The following ACOT1 variants were observed in gnomAD, a reference collection of about 807,000 sequenced individuals.
The protein encoded by ACOT1 is acyl-coenzyme A thioesterase 1.
ACOT1 carries 8 observed loss-of-function variants against 15.7 expected under a neutral mutation model. The observed-to-expected ratio is 0.51, with a 90% CI of 0.30 to 0.92. The LOEUF is 0.92. ACOT1 is among the 40% of genes least tolerant of loss of function. ACOT1 has a pLI of 0.06. For synonymous variants in ACOT1, 67 were observed against 241.2 expected, an observed-to-expected ratio of 0.28 and a Z score of 6.69; for missense variants, 151 against 539.4, an observed-to-expected ratio of 0.28 and a Z score of 7.13.
At chr14:73,492,515 C>CAG in the ACOT1 span, 1 of 1,613,592 alleles carries the variant, frequency 6.2e-7, no homozygotes, top group African/African-American at 1.3e-5. The surrounding 1 kb of genome is among the most constrained non-coding windows in gnomAD (Gnocchi z 4.9). Flanking sequence ...TGTGGCCGAC[C>CAG]AGCGAGCCAA....
the ACOT1 span, chr14:73,491,157 T>G: frequency 6.2e-7 from 1 of 1,605,954 alleles, no homozygotes; most frequent in South Asian, 1.1e-5. Context: ...CGAAGTGTTG[T>G]ATCCCGCATG....
the ACOT1 span, among the ~76,000 whole-genome samples, chr14:73,497,317 G>A: frequency 6.6e-6 from 1 of 152,196 alleles, no homozygotes; most frequent in Non-Finnish European, 1.5e-5. Context: ...TGGGATTACA[G>A]ATGTGAGCCA....
chr14:73,494,118 C>G, the ACOT1 span, among the ~76,000 whole-genome samples: 1 of 152,194 alleles, frequency 6.6e-6, no homozygotes, highest in Non-Finnish European at 1.5e-5. Flanking sequence ...GGCTACTGTT[C>G]AAGTTACTTT....
chr14:73,511,262 C>T, the ACOT1 span, among the ~76,000 whole-genome samples: 1 of 152,044 alleles, frequency 6.6e-6, no homozygotes, highest in African/African-American at 2.4e-5. Context: ...CCTGTAATCC[C>T]AGCACTTTGG....
chr14:73,534,328 G>A (rs1346165430), upstream of ACOT1, among the ~76,000 whole-genome samples: 9 of 104,174 alleles, frequency 8.6e-5, 3 homozygotes, highest in South Asian at 6.3e-4. Context: ...GCAGTGAGCC[G>A]AGATCAGACC....
At chr14:73,495,973 C>CA in the ACOT1 span, among the ~76,000 whole-genome samples, 4 of 151,938 alleles carry the variant, frequency 2.6e-5, no homozygotes, top group African/African-American at 9.7e-5. Flanking sequence ...ACTAAAAATA[C>CA]AAAAAAATTA....
At chr14:73,528,835 A>T in the ACOT1 span, 1 of 152,184 alleles carries the variant, frequency 6.6e-6, no homozygotes, top group East Asian at 1.9e-4. Context: ...AGATGCACTG[A>T]GCGCTTCGGG....
At position 73,542,238 on chromosome 14, in the gene ACOT1, T is replaced by C. The variant is rs1889111104; in HGVS notation, c.660+543T>C. On this transcript the variant is annotated intron_variant, in intron 2 of 2. Transcript: ENST00000311148. ...GTCTCAAACTCCTGACCTCAAGTGA[T>C]CTGCCCACCTCGGCCTCCCAGAGTG... Among the ~76,000 whole-genome samples, 2 of 108,574 alleles carry C rather than the reference T, an allele frequency of 1.8e-5. 1 individual carries two copies. 71.2% of individuals were successfully genotyped at this position (108,574 alleles called of 152,430 possible).
At chr14:73,506,606 A>G in the ACOT1 span, 11 of 1,496,596 alleles carry the variant, frequency 7.4e-6, no homozygotes, top group Non-Finnish European at 1.0e-5. Flanking sequence ...GATATTCACA[A>G]TCACTTTTAG....
chr14:73,509,311 C>T, the ACOT1 span: 7 of 1,613,800 alleles, frequency 4.3e-6, no homozygotes, highest in South Asian at 5.5e-5. Context: ...GAGTTACTCA[C>T]CCTTCAGAAG....
the ACOT1 span, among the ~76,000 whole-genome samples, chr14:73,505,700 T>C: frequency 2.5e-4 from 38 of 150,644 alleles, no homozygotes; most frequent in Non-Finnish European, 5.2e-4. Flanking sequence ...GCCGGGACTA[T>C]GTTTTATATG....
At chr14:73,532,804 A>G (rs1888747739), upstream of ACOT1, among the ~76,000 whole-genome samples, 1 of 112,762 alleles carries the variant, frequency 8.9e-6, no homozygotes, top group Non-Finnish European at 1.9e-5. Context: ...ACATACAAAA[A>G]AATTAGCCGG....
upstream of ACOT1, among the ~76,000 whole-genome samples, chr14:73,532,581 G>C (rs1888738545): frequency 8.7e-6 from 1 of 115,296 alleles, no homozygotes; most frequent in African/African-American, 2.8e-5. Context: ...CCTGAATATG[G>C]ACTTTAGCAC....
At position 73,542,973 on chromosome 14, in the gene ACOT1, T is replaced by A; in HGVS notation, c.661-77T>A. ...GATTCAGACTCAGGTTCAACTAACT[T>A]CCAGGGTGGGCACAACTCACCATAT... On this transcript the variant is annotated intron_variant, in intron 2 of 2. Coordinates refer to ENST00000311148, the MANE Select transcript of ACOT1 (RefSeq NM_001037161.2). 2 of 1,216,024 alleles carry A rather than the reference T, an allele frequency of 1.6e-6. 1 individual carries two copies. Among genetic ancestry groups the A allele is most frequent in the Non-Finnish European group, 2.2e-6 (2 of 916,582 alleles). The allele number at this position is 1,216,024 out of a possible 1,614,324, so 75.3% of individuals were successfully genotyped here. A position where few individuals can be genotyped will look rare whatever the true frequency, so the allele number is the denominator to read the frequency against.
the ACOT1 span, among the ~76,000 whole-genome samples, chr14:73,504,697 A>G: frequency 6.6e-6 from 1 of 152,158 alleles, no homozygotes. Flanking sequence ...TGTGCTTCCC[A>G]TATCAAAATG....
the ACOT1 span, chr14:73,522,967 T>C: frequency 1.6e-5 from 26 of 1,614,126 alleles, no homozygotes; most frequent in East Asian, 3.3e-4. Flanking sequence ...TTTTCAAATA[T>C]TGGCTCTTGC....
chr14:73,513,728 C>CAAAAAAA, the ACOT1 span, among the ~76,000 whole-genome samples: 9 of 46,774 alleles, frequency 1.9e-4, 2 homozygotes, highest in African/African-American at 2.3e-4. Flanking sequence ...ACTACGTCTC[C>CAAAAAAA]AAAAAAAAAA....
the ACOT1 span, among the ~76,000 whole-genome samples, chr14:73,524,671 T>C: frequency 6.7e-6 from 1 of 150,094 alleles, no homozygotes; most frequent in Non-Finnish European, 1.5e-5. Context: ...TCTAGCCTAC[T>C]AGATCACAAC....
At chr14:73,527,064 A>T in the ACOT1 span, among the ~76,000 whole-genome samples, 1 of 152,304 alleles carries the variant, frequency 6.6e-6, no homozygotes, top group East Asian at 1.9e-4. Context: ...AGTTGGCAAC[A>T]GTTGCAGGGG....
Sources: allele counts gnomAD v4.1 joint callset (sites outside exome capture counted in the v4.1 genomes callset), GRCh38; gene constraint gnomAD v4.1.1; non-coding constraint Gnocchi (gnomAD v3.1); transcripts MANE v1.5; gene names NCBI Gene and HGNC (gene_info 2026-07-23, HGNC 2026-07-21).